The following RBM20 variants were observed in gnomAD, a reference collection of about 807,000 sequenced individuals.
The protein encoded by RBM20 is RNA-binding protein 20.
In RBM20, 51 loss-of-function variants were observed where a neutral mutation model predicts 110.1. That is an observed-to-expected ratio of 0.46 (90% confidence interval 0.37 to 0.59). RBM20 has a LOEUF of 0.59. Ranked by LOEUF, RBM20 falls within the 20% of genes least tolerant of loss-of-function variation. RBM20 has a pLI of 0.00. For missense variants in RBM20, 1,512 were observed against 1,574.9 expected, an observed-to-expected ratio of 0.96 and a Z score of 0.68; for synonymous variants, 589 against 618.2, an observed-to-expected ratio of 0.95 and a Z score of 0.70.
intron 1 of RBM20, among the ~76,000 whole-genome samples, chr10:110,683,063 A>G: frequency 6.7e-6 from 1 of 148,874 alleles, no homozygotes; most frequent in East Asian, 1.9e-4. Flanking sequence ...TGTGTCATTG[A>G]TCACAATTTT....
intron 1 of RBM20, among the ~76,000 whole-genome samples, chr10:110,664,630 C>T (rs1862151264): frequency 1.3e-5 from 2 of 151,922 alleles, no homozygotes; most frequent in African/African-American, 4.8e-5. Flanking sequence ...CCCTGTAGTC[C>T]CAGCTACTCT....
chr10:110,807,509 C>T (rs1844709662), intron 7 of RBM20, among the ~76,000 whole-genome samples: 1 of 152,218 alleles, frequency 6.6e-6, no homozygotes. Context: ...CCTGGGGGTG[C>T]CATCTGTGAT....
At chr10:110,771,718 A>G (rs1432047741) in intron 1 of RBM20, among the ~76,000 whole-genome samples, 1 of 152,160 alleles carries the variant, frequency 6.6e-6, no homozygotes, top group Non-Finnish European at 1.5e-5. Flanking sequence ...TGTGAGCTAC[A>G]TTTCAAAGTA....
At chr10:110,820,353 G>A (rs1418033587) in intron 10 of RBM20, among the ~76,000 whole-genome samples, 177 bp downstream of exon 10, 2 of 152,176 alleles carry the variant, frequency 1.3e-5, no homozygotes, top group African/African-American at 2.4e-5. Flanking sequence ...GGAATCTTCG[G>A]ACAGTTTTTA....
Position 110,807,340 on chromosome 10 carries a change from C to T in RBM20, c.1801-3043C>T, listed in dbSNP as rs373915026. Among the ~76,000 whole-genome samples, 122 of 152,270 alleles carry T rather than the reference C, an allele frequency of 8.0e-4. 1 individual carries two copies. The South Asian group carries it at 0.025, about 31-fold the overall frequency. The stretch of plus-strand genomic sequence containing the variant: ...GTTCTGTGGTTAAGAAAATAAGGGG[C>T]AGAGGAATGTTTAAGCCAAGGAGAG... On this transcript the variant is annotated intron_variant, in intron 7 of 13. Coordinates refer to ENST00000369519, the MANE Select transcript of RBM20 (RefSeq NM_001134363.3).
chr10:110,773,086 T>A (rs1181229959), intron 1 of RBM20, among the ~76,000 whole-genome samples: 1 of 152,230 alleles, frequency 6.6e-6, no homozygotes, highest in Non-Finnish European at 1.5e-5. Context: ...TCTAGCTTCC[T>A]GATTTTGCAC....
At chr10:110,736,125 TA>T (rs1256364986) in intron 1 of RBM20, among the ~76,000 whole-genome samples, 3 of 152,250 alleles carry the variant, frequency 2.0e-5, no homozygotes, top group Non-Finnish European at 4.4e-5. Context: ...AAATCTCAAA[TA>T]ACATGTATTT....
At chr10:110,667,488 T>C in intron 1 of RBM20, among the ~76,000 whole-genome samples, 1 of 152,114 alleles carries the variant, frequency 6.6e-6, no homozygotes, top group South Asian at 2.1e-4. Context: ...GGTGGGTGAA[T>C]GAAAGGTAAG....
chr10:110,714,255 G>T (rs1051279685), intron 1 of RBM20, among the ~76,000 whole-genome samples: 23 of 152,122 alleles, frequency 1.5e-4, no homozygotes, highest in African/African-American at 4.6e-4. Flanking sequence ...GCCCATGCTG[G>T]GTAGCTAGAA....
chr10:110,672,415 G>C (rs1440415574), intron 1 of RBM20, among the ~76,000 whole-genome samples: 1 of 152,196 alleles, frequency 6.6e-6, no homozygotes, highest in African/African-American at 2.4e-5. Flanking sequence ...GGCTCCCCTC[G>C]CCGAGTGTCA....
intron 1 of RBM20, among the ~76,000 whole-genome samples, chr10:110,756,257 GCTATAATCAACATGAGGAAAAGC>G (rs1843919447): frequency 6.6e-6 from 1 of 152,180 alleles, no homozygotes; most frequent in Admixed American, 6.5e-5. Context: ...AACCTCTGAT[GCTATAATCAACATGAGGAAAAGC>G]CTGTAAATCA....
intron 1 of RBM20, among the ~76,000 whole-genome samples, chr10:110,731,236 C>A (rs1310717100): frequency 1.3e-5 from 2 of 152,154 alleles, no homozygotes; most frequent in Admixed American, 1.3e-4. Context: ...TTTCCTCTCA[C>A]CTCCTCCATG....
chr10:110,779,324 G>A (rs948916531), intron 1 of RBM20, among the ~76,000 whole-genome samples: 2 of 152,130 alleles, frequency 1.3e-5, no homozygotes, highest in African/African-American at 2.4e-5. Context: ...TGAAACCTCC[G>A]TAAAAACCCA....
intron 1 of RBM20, among the ~76,000 whole-genome samples, chr10:110,709,562 CTTT>C (rs10713170): frequency 1.7e-4 from 23 of 135,446 alleles, no homozygotes; most frequent in Admixed American, 3.0e-4. Flanking sequence ...GTGATAATTT[CTTT>C]TTTTTTTTTT....
At chr10:110,686,190 T>G (rs1862502867) in intron 1 of RBM20, among the ~76,000 whole-genome samples, 1 of 152,202 alleles carries the variant, frequency 6.6e-6, no homozygotes. Flanking sequence ...TCATGACTCT[T>G]TAAATATCCT....
chr10:110,673,810 A>G (rs1282689838), intron 1 of RBM20, among the ~76,000 whole-genome samples: 1 of 152,200 alleles, frequency 6.6e-6, no homozygotes, highest in African/African-American at 2.4e-5. Context: ...AAGTGGTACT[A>G]GAGGTTGTGT....
intron 1 of RBM20, among the ~76,000 whole-genome samples, chr10:110,776,234 A>G (rs754807323): frequency 2.0e-5 from 3 of 152,170 alleles, no homozygotes; most frequent in African/African-American, 4.8e-5. Context: ...TCATACCAGC[A>G]AGGTCCAGTC....
At chr10:110,716,581 T>C (rs1863020650) in intron 1 of RBM20, among the ~76,000 whole-genome samples, 1 of 152,120 alleles carries the variant, frequency 6.6e-6, no homozygotes, top group African/African-American at 2.4e-5. Flanking sequence ...GGTATTTCAG[T>C]ATGCATATTC....
At chr10:110,720,805 A>G (rs1311232977) in intron 1 of RBM20, among the ~76,000 whole-genome samples, 1 of 151,118 alleles carries the variant, frequency 6.6e-6, no homozygotes, top group Non-Finnish European at 1.5e-5. Flanking sequence ...GAAAATGCAC[A>G]TCCAGTCATT....
Sources: allele counts gnomAD v4.1 joint callset (sites outside exome capture counted in the v4.1 genomes callset), GRCh38; gene constraint gnomAD v4.1.1; transcripts MANE v1.5; gene names NCBI Gene and HGNC (gene_info 2026-07-23, HGNC 2026-07-21).